The following LPIN1 variants were observed in gnomAD, a reference collection of about 807,000 sequenced individuals.
The protein encoded by LPIN1 is phosphatidate phosphatase LPIN1.
LPIN1 carries 71 observed loss-of-function variants against 107.5 expected under a neutral mutation model. The ratio of observed to expected loss-of-function variants is 0.66; its 90% CI spans 0.55 to 0.80. The LOEUF (loss-of-function observed/expected upper bound fraction) is 0.80. Ranked by LOEUF, LPIN1 falls within the 30% of genes least tolerant of loss-of-function variation. The pLI, the probability that LPIN1 is intolerant of heterozygous loss-of-function variation, is 0.00. For missense variants in LPIN1, 1,043 were observed against 1,160.6 expected (o/e 0.90, Z 1.47); for synonymous variants, 445 against 452.6 (o/e 0.98, Z 0.21).
chr2:11,813,919 CAAAT>C (rs1680116584), intron 17 of LPIN1, among the ~76,000 whole-genome samples: 2 of 149,986 alleles, frequency 1.3e-5, no homozygotes, highest in Middle Eastern at 6.8e-3. Context: ...GTCTCGAAAA[CAAAT>C]AAACAAAAAA....
intron 14 of LPIN1, among the ~76,000 whole-genome samples, chr2:11,795,719 T>C (rs887357421): frequency 6.6e-6 from 1 of 152,232 alleles, no homozygotes. Context: ...AGTGAGATAA[T>C]ATAACTAGAG....
upstream of LPIN1, among the ~76,000 whole-genome samples, chr2:11,719,811 A>T (rs1214319101): frequency 1.7e-4 from 9 of 53,190 alleles, no homozygotes; most frequent in South Asian, 7.8e-4. Flanking sequence ...TTTTTTTTTT[A>T]AAGCATGAAT....
In LPIN1 at chr2:11,767,840, A is replaced by G; in HGVS notation, c.270A>G (p.Gln90=). The G allele has an allele frequency of 6.2e-7, 1 of 1,609,166 alleles. No homozygotes were observed. Among genetic ancestry groups the G allele is most frequent in the Non-Finnish European group, 8.5e-7 (1 of 1,175,442 alleles). Reference sequence around the variant, plus strand: ...ATAATGGAGAAGCATTTTTTGTTCAAGAAACAGATAATGATCAGGTAAGGA... The same window carrying G: ...ATAATGGAGAAGCATTTTTTGTTCAGGAAACAGATAATGATCAGGTAAGGA... ...LGDNGEAFFV[Q]ETDNDQEVIP... Residue 90 remains glutamine (Q), a synonymous_variant, in exon 3 of 21, where the codon CAA becomes CAG. Coordinates refer to ENST00000674199, the MANE Select transcript of LPIN1 (RefSeq NM_001349206.2).
upstream of LPIN1, among the ~76,000 whole-genome samples, chr2:11,723,327 A>G (rs1435531697): frequency 6.6e-6 from 1 of 152,162 alleles, no homozygotes; most frequent in African/African-American, 2.4e-5. Flanking sequence ...TGCTAATGAG[A>G]AGAAAACCCC....
At chr2:11,744,142 C>T (rs1385662151), upstream of LPIN1, among the ~76,000 whole-genome samples, 1 of 152,228 alleles carries the variant, frequency 6.6e-6, no homozygotes, top group Non-Finnish European at 1.5e-5. Flanking sequence ...CATTACTCAG[C>T]CCCTCCTTCC....
chr2:11,753,851 G>A (rs1668254789), intron 1 of LPIN1, among the ~76,000 whole-genome samples: 1 of 152,196 alleles, frequency 6.6e-6, no homozygotes, highest in Non-Finnish European at 1.5e-5. Flanking sequence ...AGCTTTTTGT[G>A]TTTTTAAATG....
intron 2 of LPIN1, among the ~76,000 whole-genome samples, chr2:11,714,606 T>C (rs571685784): frequency 6.6e-6 from 1 of 152,356 alleles, no homozygotes; most frequent in African/African-American, 2.4e-5. Flanking sequence ...TGTAATTTGC[T>C]ACAGGCCCAC....
intron 1 of LPIN1, among the ~76,000 whole-genome samples, chr2:11,691,118 C>T (rs371884513): frequency 1.9e-3 from 284 of 149,526 alleles, no homozygotes; most frequent in African/African-American, 6.6e-3. Flanking sequence ...TTTAATACCC[C>T]TCACACCAAC....
chr2:11,746,798 G>A, intron 1 of LPIN1, 127 bp downstream of exon 1: 1 of 297,832 alleles, frequency 3.4e-6, no homozygotes, highest in Non-Finnish European at 5.0e-6. Context: ...CCCGGGGCCC[G>A]AGGACCGACG....
intron 14 of LPIN1, among the ~76,000 whole-genome samples, chr2:11,795,981 TC>T (rs1473495085): frequency 5.3e-5 from 8 of 152,236 alleles, no homozygotes; most frequent in Non-Finnish European, 8.8e-5. Context: ...ATGATACTGA[TC>T]CGTATTTGTG....
At chr2:11,793,260 A>G (rs10520097) in intron 13 of LPIN1, among the ~76,000 whole-genome samples, 18,581 of 152,148 alleles carry the variant, frequency 0.12, 1,161 homozygotes, top group Middle Eastern at 0.16. Flanking sequence ...TCAGTTTTCC[A>G]TCTGAAATAC....
Position 11,701,789 on chromosome 2 carries a change from C to T in LPIN1, c.82-11967C>T, listed in dbSNP as rs939559227. On this transcript the variant is annotated intron_variant, in intron 1 of 21. Coordinates refer to the LPIN1 transcript ENST00000449576. ...GAGCTTAACCAGTCCGATTCTAAAG[C>T]CTGTGTGTTTAGATTACAGAAAGCT... is the stretch of plus-strand genomic sequence containing the variant. Among the ~76,000 whole-genome samples, 5 of 152,286 alleles carry T rather than the reference C, an allele frequency of 3.3e-5. No individual in the cohort carries two copies. The East Asian group carries it at 9.6e-4, about 29-fold the overall frequency.
Position 11,765,416 on chromosome 2 carries a change from G to A in LPIN1, c.-9-117G>A. On this transcript the variant is annotated intron_variant, in intron 1 of 20. Coordinates refer to ENST00000674199, the MANE Select transcript of LPIN1 (RefSeq NM_001349206.2). This position sits in a 1 kb window ranked among gnomAD's most constrained non-coding sequence, Gnocchi z 4.4. ...GATAGAACACATTCCGGAAATGAGA[G>A]GAGCTGAAAGTTGAGTGTGTAATCC... 4 of 934,952 alleles carry A rather than the reference G, an allele frequency of 4.3e-6. No homozygotes were observed. Among genetic ancestry groups the A allele is most frequent in the Non-Finnish European group, 6.5e-6 (4 of 611,056 alleles). 57.9% of individuals were successfully genotyped at this position (934,952 alleles called of 1,614,324 possible).
intron 1 of LPIN1, among the ~76,000 whole-genome samples, chr2:11,735,427 A>C (rs1665698859): frequency 6.6e-6 from 1 of 152,192 alleles, no homozygotes; most frequent in African/African-American, 2.4e-5. Flanking sequence ...GGTTAAAGGA[A>C]AATTCAATTT....
chr2:11,752,433 A>ATTTTTTTTTTTTTTTTTTT lies in LPIN1; in HGVS notation c.-10+5778_-10+5779insTTTTTTTTTTTTTTTTTTT, dbSNP rs34156190. Among the ~76,000 whole-genome samples, 12 of 103,866 alleles carry ATTTTTTTTTTTTTTTTTTT rather than the reference A, an allele frequency of 1.2e-4. 2 individuals carry two copies. Among genetic ancestry groups the ATTTTTTTTTTTTTTTTTTT allele is most frequent in the African/African-American group, 6.2e-4 (11 of 17,696 alleles). The allele number at this position is 103,866 out of a possible 152,430, so 68.1% of individuals were successfully genotyped here. Reference sequence around the variant, plus strand: ...TTTTCTTTTGAGCTGTTCCAAGGCCATTTTTTTTTTTTTTTTGAGACGGAG... The same window carrying ATTTTTTTTTTTTTTTTTTT: ...TTTTCTTTTGAGCTGTTCCAAGGCCATTTTTTTTTTTTTTTTTTTTTTTTTTTTTTTTTTTGAGACGGAG... On this transcript the variant is annotated intron_variant, in intron 1 of 20. Coordinates refer to ENST00000674199, the MANE Select transcript of LPIN1 (RefSeq NM_001349206.2).
chr2:11,824,595 T>C (rs1200369834), intron 20 of LPIN1, 37 bp from the exon 21 acceptor site: 1 of 1,612,844 alleles, frequency 6.2e-7, no homozygotes, highest in Non-Finnish European at 8.5e-7. Flanking sequence ...ATAGCTGGTA[T>C]CGCTCAGTGC....
rs549139569 is a variant in LPIN1 at position 11,765,921 on chromosome 2, C to T, written c.192+188C>T. On this transcript the variant is annotated intron_variant, in intron 2 of 20. Coordinates refer to ENST00000674199, the MANE Select transcript of LPIN1 (RefSeq NM_001349206.2). This position sits in a 1 kb window ranked among gnomAD's most constrained non-coding sequence, Gnocchi z 4.4. ...TAGTATGGCTGTGTAAATTAAAGTG[C>T]CGTGGCACACACCACTGTTTATTAA... Among the ~76,000 whole-genome samples the T allele has an allele frequency of 6.0e-4, 91 of 152,310 alleles. No individual in the cohort carries two copies. Among genetic ancestry groups the T allele is most frequent in the Non-Finnish European group, 9.4e-4 (64 of 68,030 alleles).
chr2:11,699,978 A>T (rs1309446806), intron 1 of LPIN1, among the ~76,000 whole-genome samples: 1 of 152,146 alleles, frequency 6.6e-6, no homozygotes, highest in Non-Finnish European at 1.5e-5. Context: ...CATTTGGAGA[A>T]CTAAATGAAT....
intron 1 of LPIN1, among the ~76,000 whole-genome samples, chr2:11,689,087 C>T (rs1269925878): frequency 6.6e-6 from 1 of 152,228 alleles, no homozygotes; most frequent in Non-Finnish European, 1.5e-5. Flanking sequence ...ATTCGAAGTG[C>T]TTCGAAAATG....
Sources: allele counts gnomAD v4.1 joint callset (sites outside exome capture counted in the v4.1 genomes callset), GRCh38; gene constraint gnomAD v4.1.1; non-coding constraint Gnocchi (gnomAD v3.1); transcripts MANE v1.5; gene names NCBI Gene and HGNC (gene_info 2026-07-23, HGNC 2026-07-21).